The following TP63 variants were observed in gnomAD, a reference collection of about 807,000 sequenced individuals.
TP63 encodes the protein tumor protein p63, also known as tumor protein 63.
TP63 carries 17 observed loss-of-function variants against 82.8 expected under a neutral mutation model. That is an observed-to-expected ratio of 0.21 (90% CI 0.14 to 0.31). The LOEUF is 0.31. Among genes scored for constraint, TP63 ranks in the 10% least tolerant of loss-of-function variants. The probability of loss-of-function intolerance (pLI) is 1.00; values close to 1 mark genes in which losing one functional copy is unlikely to be tolerated. For synonymous variants in TP63, 330 were observed against 321.7 expected (o/e 1.03, Z -0.28); for missense variants, 648 against 895.3 (o/e 0.72, Z 3.52).
chr3:189,791,376 G>A (rs1291201717), intron 3 of TP63, among the ~76,000 whole-genome samples: 3 of 152,170 alleles, frequency 2.0e-5, no homozygotes, highest in Admixed American at 6.6e-5. Context: ...ATATAATGTC[G>A]TGAAAGAAAG....
intron 3 of TP63, among the ~76,000 whole-genome samples, chr3:189,783,171 A>T (rs1418014398): frequency 6.6e-6 from 1 of 151,926 alleles, no homozygotes; most frequent in Non-Finnish European, 1.5e-5. Context: ...TAATTTCTTT[A>T]ATTTTAAAAT....
intron 4 of TP63, chr3:189,844,302 G>A: frequency 4.8e-6 from 2 of 412,474 alleles, no homozygotes; most frequent in South Asian, 3.4e-5. Flanking sequence ...CTCCCAAGTA[G>A]GTGGGATTAC....
chr3:189,886,680 G>A, intron 11 of TP63, 129 bp downstream of exon 11: 1 of 1,346,124 alleles, frequency 7.4e-7, no homozygotes, highest in Admixed American at 2.1e-5. Flanking sequence ...TCAAAGTGGA[G>A]TGGCTTGGGT....
chr3:189,875,889 A>G (rs1366051069), intron 10 of TP63, among the ~76,000 whole-genome samples: 2 of 151,996 alleles, frequency 1.3e-5, no homozygotes, highest in Non-Finnish European at 2.9e-5. Flanking sequence ...AAAGTGAGGC[A>G]TGCCCATCCA....
chr3:189,749,332 A>G (rs1721620390), intron 3 of TP63, among the ~76,000 whole-genome samples: 1 of 152,204 alleles, frequency 6.6e-6, no homozygotes, highest in African/African-American at 2.4e-5. Context: ...AACTCAAGTC[A>G]ACAGTAAAAA....
At chr3:189,765,420 A>ATCCTGTCC (rs1722865085) in intron 3 of TP63, among the ~76,000 whole-genome samples, 1 of 32,396 alleles carries the variant, frequency 3.1e-5, no homozygotes, top group Admixed American at 3.3e-4. Flanking sequence ...CTTTGTAAAT[A>ATCCTGTCC]TCCTGTCCTC....
intron 1 of TP63, among the ~76,000 whole-genome samples, chr3:189,694,280 T>G (rs1413912146): frequency 6.6e-6 from 1 of 152,222 alleles, no homozygotes; most frequent in Non-Finnish European, 1.5e-5. Flanking sequence ...ACATCATACA[T>G]TATTATGGTA....
At chr3:189,641,494 A>G (rs1467702934) in intron 1 of TP63, among the ~76,000 whole-genome samples, 4 of 152,092 alleles carry the variant, frequency 2.6e-5, no homozygotes, top group Admixed American at 2.0e-4. Flanking sequence ...TAGTAAAACA[A>G]TTGTTTTCCA....
At chr3:189,786,701 C>T (rs1470642474) in intron 3 of TP63, among the ~76,000 whole-genome samples, 1 of 151,918 alleles carries the variant, frequency 6.6e-6, no homozygotes, top group Non-Finnish European at 1.5e-5. Flanking sequence ...ATTCAGAGAC[C>T]GTGGAGCTTT....
intron 1 of TP63, among the ~76,000 whole-genome samples, chr3:189,639,128 A>G (rs569661377): frequency 1.3e-5 from 2 of 152,158 alleles, no homozygotes; most frequent in Non-Finnish European, 2.9e-5. Flanking sequence ...CAGGGTTTCT[A>G]TCTCCTTTAA....
the TP63 span, among the ~76,000 whole-genome samples, chr3:189,612,619 G>A: frequency 6.6e-6 from 1 of 152,222 alleles, no homozygotes; most frequent in African/African-American, 2.4e-5. Context: ...AAGTGACTTT[G>A]GAACTGGGTA....
At chr3:189,635,176 G>A (rs546367775) in intron 1 of TP63, among the ~76,000 whole-genome samples, 1 of 151,964 alleles carries the variant, frequency 6.6e-6, no homozygotes, top group Non-Finnish European at 1.5e-5. Flanking sequence ...AAGAAGCATC[G>A]AACTATTAAA....
the TP63 span, among the ~76,000 whole-genome samples, chr3:189,606,197 C>T: frequency 6.6e-6 from 1 of 152,056 alleles, no homozygotes; most frequent in African/African-American, 2.4e-5. Flanking sequence ...CCAAACACCT[C>T]AAGATGAAAA....
Position 189,737,497 on chromosome 3 carries a change from G to C in TP63, c.63-243G>C, listed in dbSNP as rs142622900. Among the ~76,000 whole-genome samples the C allele has an allele frequency of 4.6e-5, 7 of 152,218 alleles. No individual in the cohort carries two copies. The East Asian group carries it at 1.3e-3, about 29-fold the overall frequency. ...ATAATAATATTATTAGTTAGGAAAG[G>C]AGAGCTTTGATAGAAGACAAGATTG... On this transcript the variant is annotated intron_variant, in intron 1 of 13. Coordinates refer to ENST00000264731, the MANE Select transcript of TP63 (RefSeq NM_003722.5).
chr3:189,669,221 A>C (rs1423291066), intron 1 of TP63, among the ~76,000 whole-genome samples: 2 of 151,960 alleles, frequency 1.3e-5, no homozygotes, highest in African/African-American at 4.8e-5. Flanking sequence ...AAAAGAAAAA[A>C]ACAATACTAA....
At chr3:189,806,389 C>CT (rs1726909035) in intron 3 of TP63, among the ~76,000 whole-genome samples, 1 of 152,170 alleles carries the variant, frequency 6.6e-6, no homozygotes, top group South Asian at 2.1e-4. Context: ...AGGCACGTGC[C>CT]TTTGGGAGCA....
At chr3:189,657,095 A>G (rs1236284389) in intron 1 of TP63, among the ~76,000 whole-genome samples, 1 of 151,996 alleles carries the variant, frequency 6.6e-6, no homozygotes, top group African/African-American at 2.4e-5. Context: ...AAGTCTTCAT[A>G]CTGTATGATT....
At chr3:189,717,413 A>G (rs1472163839) in intron 1 of TP63, among the ~76,000 whole-genome samples, 3 of 152,192 alleles carry the variant, frequency 2.0e-5, no homozygotes, top group Non-Finnish European at 4.4e-5. Flanking sequence ...GACAAACACA[A>G]TAACTTTGAA....
intron 1 of TP63, among the ~76,000 whole-genome samples, chr3:189,712,128 A>G (rs1421434204): frequency 6.6e-6 from 1 of 152,194 alleles, no homozygotes; most frequent in Non-Finnish European, 1.5e-5. Flanking sequence ...AAACACTACA[A>G]TAGGCACCGT....
Sources: gnomAD v4.1 joint callset for allele counts (sites outside exome capture counted in the v4.1 genomes callset) on GRCh38, gnomAD v4.1.1 for gene constraint, MANE v1.5 for transcripts, NCBI Gene and HGNC (gene_info 2026-07-23, HGNC 2026-07-21) for gene names.